Variants in APBA1 observed in about 807,000 individuals in gnomAD.
APBA1 encodes the protein amyloid-beta A4 precursor protein-binding family A member 1.
Under a neutral mutation model 86.6 loss-of-function variants are expected in APBA1, and 55 were observed. That is an observed-to-expected ratio of 0.64 (90% CI 0.51 to 0.80). The LOEUF (loss-of-function observed/expected upper bound fraction) is 0.80. APBA1 is among the 30% of genes least tolerant of loss of function. The pLI, the probability that APBA1 is intolerant of heterozygous loss-of-function variation, is 0.00. For missense variants in APBA1, 1,090 were observed against 1,183.0 expected (o/e 0.92, Z 1.15); for synonymous variants, 511 against 493.9 (o/e 1.03, Z -0.46).
intron 1 of APBA1, among the ~76,000 whole-genome samples, chr9:69,658,151 C>T (rs1823650576): frequency 6.6e-6 from 1 of 152,204 alleles, no homozygotes; most frequent in African/African-American, 2.4e-5. Context: ...GTGGAACAAC[C>T]TAATAGCTCC....
At chr9:69,458,128 C>T in intron 6 of APBA1, 28 bp downstream of exon 6, 1 of 1,593,606 alleles carries the variant, frequency 6.3e-7, no homozygotes, top group Non-Finnish European at 8.5e-7. Flanking sequence ...GGCATAACAC[C>T]AAGCTGATGA....
intron 1 of APBA1, among the ~76,000 whole-genome samples, chr9:69,569,010 A>G (rs1484654525): frequency 2.0e-5 from 3 of 152,184 alleles, no homozygotes; most frequent in Non-Finnish European, 4.4e-5. Flanking sequence ...GGCAGCAGAA[A>G]AGGATGCTCA....
chr9:69,612,052 C>A (rs933585596), intron 1 of APBA1, among the ~76,000 whole-genome samples: 1 of 152,050 alleles, frequency 6.6e-6, no homozygotes, highest in South Asian at 2.1e-4. Context: ...ATTTTAAGGT[C>A]ATACAACTAT....
chr9:69,475,996 TTAGAG>T (rs752356274), intron 3 of APBA1, 47 bp downstream of exon 3: 62 of 1,445,184 alleles, frequency 4.3e-5, no homozygotes, highest in Non-Finnish European at 5.9e-5. Flanking sequence ...CAGAACAGTA[TTAGAG>T]TAAAGCAAAA....
chr9:69,630,341 T>C (rs1285625608), intron 1 of APBA1, among the ~76,000 whole-genome samples: 1 of 152,148 alleles, frequency 6.6e-6, no homozygotes, highest in East Asian at 1.9e-4. Context: ...CCAACTTTGA[T>C]CCCTAATTGC....
chr9:69,636,119 C>T (rs1348195594), intron 1 of APBA1, among the ~76,000 whole-genome samples: 2 of 152,156 alleles, frequency 1.3e-5, no homozygotes, highest in Non-Finnish European at 2.9e-5. Context: ...AGAAGACATA[C>T]AAATGGCAAA....
At chr9:69,499,400 A>C (rs1325516342) in intron 2 of APBA1, among the ~76,000 whole-genome samples, 1 of 152,066 alleles carries the variant, frequency 6.6e-6, no homozygotes, top group Non-Finnish European at 1.5e-5. Flanking sequence ...TTTCAACTTC[A>C]TCCCTTGCTA....
At chr9:69,664,605 A>C (rs1680504052) in intron 1 of APBA1, among the ~76,000 whole-genome samples, 1 of 152,252 alleles carries the variant, frequency 6.6e-6, no homozygotes, top group Non-Finnish European at 1.5e-5. Context: ...TAAATTAATA[A>C]TTTTATATAA....
At chr9:69,580,636 C>G (rs1371429066) in intron 1 of APBA1, among the ~76,000 whole-genome samples, 1 of 152,138 alleles carries the variant, frequency 6.6e-6, no homozygotes, top group Middle Eastern at 3.2e-3. Flanking sequence ...GAAGTTCAAC[C>G]ACAGCACAGT....
intron 1 of APBA1, among the ~76,000 whole-genome samples, chr9:69,597,896 A>C: frequency 6.6e-6 from 1 of 152,148 alleles, no homozygotes; most frequent in Admixed American, 6.5e-5. Flanking sequence ...GGGATCTAGA[A>C]CTAGAAATAC....
chr9:69,635,414 C>T (rs1823136731), intron 1 of APBA1, among the ~76,000 whole-genome samples: 1 of 151,596 alleles, frequency 6.6e-6, no homozygotes, highest in Non-Finnish European at 1.5e-5. Flanking sequence ...TAAAAATAAC[C>T]TTCACTAAAA....
intron 2 of APBA1, among the ~76,000 whole-genome samples, chr9:69,513,337 G>C (rs1477364237): frequency 6.6e-6 from 1 of 152,236 alleles, no homozygotes; most frequent in East Asian, 1.9e-4. Context: ...TGAGGCTGCA[G>C]GGGCAATTGG....
At chr9:69,452,082 G>A in intron 9 of APBA1, 40 bp downstream of exon 9, 1 of 1,597,156 alleles carries the variant, frequency 6.3e-7, no homozygotes, top group Non-Finnish European at 8.6e-7. Context: ...CCCCTGCCCA[G>A]CTGACCCAGC....
rs140374644 is a variant in APBA1 at position 69,638,968 on chromosome 9, G to T, written c.-70+33185C>A. ...ACAGAAATATATAGACAGGGACAGA[G>T]CTTCTCAAAAAACAGGGTCCATGCC... is the stretch of plus-strand genomic sequence containing the variant. On this transcript the variant is annotated intron_variant, in intron 1 of 12. Transcript: ENST00000265381. 7.4e-3 allele frequency among the ~76,000 whole-genome samples: 1,129 copies of T among 152,206 alleles called. 16 individuals carry two copies. Among genetic ancestry groups the T allele is most frequent in the African/African-American group, 0.026 (1,081 of 41,528 alleles).
At chr9:69,579,049 T>A (rs1821862236) in intron 1 of APBA1, among the ~76,000 whole-genome samples, 2 of 152,148 alleles carry the variant, frequency 1.3e-5, no homozygotes, top group South Asian at 4.1e-4. Flanking sequence ...TACAGAAATT[T>A]CAACGAGTTT....
intron 1 of APBA1, among the ~76,000 whole-genome samples, chr9:69,613,379 C>T (rs1160858846): frequency 6.6e-6 from 1 of 151,928 alleles, no homozygotes; most frequent in East Asian, 1.9e-4. Flanking sequence ...ATTTAATTTC[C>T]CTGGTTTAAG....
intron 2 of APBA1, among the ~76,000 whole-genome samples, chr9:69,491,654 C>T (rs1251433477): frequency 6.6e-6 from 1 of 151,702 alleles, no homozygotes; most frequent in African/African-American, 2.4e-5. Flanking sequence ...TGGGTTTAGT[C>T]CTCAAAGCCA....
chr9:69,607,357 A>C (rs940514204), intron 1 of APBA1, among the ~76,000 whole-genome samples: 26 of 152,256 alleles, frequency 1.7e-4, no homozygotes, highest in African/African-American at 6.3e-4. Context: ...CACTATCATG[A>C]GAACAGCATG....
At chr9:69,432,514 C>G (rs1588278040) in intron 12 of APBA1, 22 bp downstream of exon 12, 1 of 1,502,146 alleles carries the variant, frequency 6.7e-7, no homozygotes, top group Non-Finnish European at 8.9e-7. Flanking sequence ...CAGCACCACC[C>G]TCAGCCCCGG....
Sources: gnomAD v4.1 joint callset for allele counts (sites outside exome capture counted in the v4.1 genomes callset) on GRCh38, gnomAD v4.1.1 for gene constraint, MANE v1.5 for transcripts, NCBI Gene and HGNC (gene_info 2026-07-23, HGNC 2026-07-21) for gene names.